The following NOL10 variants were observed in gnomAD, a reference collection of about 807,000 sequenced individuals.
NOL10 encodes nucleolar protein 10.
NOL10 carries 58 observed loss-of-function variants against 103.5 expected under a neutral mutation model. That is an observed-to-expected ratio of 0.56 (90% CI 0.45 to 0.70). The LOEUF is 0.70. Ranked by LOEUF, NOL10 falls within the 30% of genes least tolerant of loss-of-function variation. The pLI, the probability that NOL10 is intolerant of heterozygous loss-of-function variation, is 0.00. For missense variants in NOL10, 763 were observed against 807.3 expected, an observed-to-expected ratio of 0.95 and a Z score of 0.67; for synonymous variants, 287 against 282.5, an observed-to-expected ratio of 1.02 and a Z score of -0.16.
At chr2:10,595,316 G>GT (rs200480779) in intron 17 of NOL10, among the ~76,000 whole-genome samples, 5,623 of 144,752 alleles carry the variant, frequency 0.039, 206 homozygotes, top group African/African-American at 0.095. Flanking sequence ...AAATGTTTAG[G>GT]TTTTTTTTGT....
chr2:10,689,931 A>T lies in NOL10; in HGVS notation c.-70T>A. The stretch of plus-strand genomic sequence containing the variant: ...CGTGCTCGAGCACCGTAATCCCGGG[A>T]CCTCCGAGCCCCTGCTCCGCGGCGT... On this transcript the variant is annotated 5_prime_UTR_variant, in exon 1 of 21. Transcript: ENST00000381685. 1 of 1,446,672 alleles carries T rather than the reference A, an allele frequency of 6.9e-7. No individual in the cohort carries two copies. Among genetic ancestry groups the T allele is most frequent in the Non-Finnish European group, 9.5e-7 (1 of 1,052,922 alleles). 89.6% of individuals were successfully genotyped at this position (1,446,672 alleles called of 1,614,324 possible).
At chr2:10,646,879 C>A (rs1679106648) in intron 12 of NOL10, among the ~76,000 whole-genome samples, 1 of 152,142 alleles carries the variant, frequency 6.6e-6, no homozygotes, top group South Asian at 2.1e-4. Context: ...AGTATGAATA[C>A]CACATGGCAA....
At chr2:10,652,295 G>C (rs1187519243) in intron 12 of NOL10, among the ~76,000 whole-genome samples, 1 of 151,610 alleles carries the variant, frequency 6.6e-6, no homozygotes, top group Non-Finnish European at 1.5e-5. Flanking sequence ...ACCAGAAACA[G>C]GAAGGCTGGG....
intron 13 of NOL10, among the ~76,000 whole-genome samples, 179 bp downstream of exon 13, chr2:10,644,141 A>C (rs1678898006): frequency 6.6e-6 from 1 of 152,154 alleles, no homozygotes; most frequent in African/African-American, 2.4e-5. Flanking sequence ...TCCCAGCTAC[A>C]GGAGGTTGAG....
intron 1 of NOL10, among the ~76,000 whole-genome samples, chr2:10,689,236 T>C (rs1485070510): frequency 1.3e-5 from 2 of 152,154 alleles, no homozygotes. Flanking sequence ...CACGAGAAGA[T>C]TGGAAGAGAA....
At chr2:10,609,132 A>T (rs879593076) in intron 13 of NOL10, among the ~76,000 whole-genome samples, 17 of 152,058 alleles carry the variant, frequency 1.1e-4, no homozygotes, top group Non-Finnish European at 2.2e-4. Context: ...CTCCCTGAAG[A>T]AGTTTAAAAT....
intron 13 of NOL10, among the ~76,000 whole-genome samples, chr2:10,636,772 T>C (rs568114851): frequency 3.3e-5 from 5 of 152,234 alleles, no homozygotes; most frequent in Non-Finnish European, 5.9e-5. Flanking sequence ...ATAGCGATGA[T>C]TAAAAAGTAT....
At chr2:10,629,059 G>C (rs1422063216) in intron 13 of NOL10, among the ~76,000 whole-genome samples, 1 of 151,984 alleles carries the variant, frequency 6.6e-6, no homozygotes, top group African/African-American at 2.4e-5. Flanking sequence ...CTGCCTAAGA[G>C]TGCAAACATG....
chr2:10,671,630 T>G lies in NOL10; in HGVS notation c.388A>C (p.Lys130Gln). ...CTCCCAAACTTTGGTATTCTGGTTT[T>G]GTAGTAAAAACCTGATTGCGAATGA... ...EFHSQSGFYY[K>Q]TRIPKFGRDF... The change falls in exon 6 of 21, where the codon AAA becomes CAA. Residue 130 changes from lysine (K) to glutamine (Q), a missense_variant. By Grantham distance (53) the Lys-to-Gln change is moderately conservative. Transcript: ENST00000381685. 6.3e-7 allele frequency: 1 copy of G among 1,594,378 alleles called. No homozygotes were observed.
chr2:10,634,365 G>A (rs1164042360), intron 13 of NOL10, among the ~76,000 whole-genome samples: 4 of 152,202 alleles, frequency 2.6e-5, no homozygotes, highest in Admixed American at 6.5e-5. Flanking sequence ...TGGCTCCTGC[G>A]CTCTAAGCCT....
chr2:10,603,027 C>T (rs2287061), intron 15 of NOL10, 51 bp downstream of exon 15: 749,300 of 1,424,880 alleles, frequency 0.53, 201,155 homozygotes, highest in African/African-American at 0.74. Context: ...GAAATGGCCA[C>T]AGACTGCGCA....
intron 19 of NOL10, among the ~76,000 whole-genome samples, chr2:10,582,060 G>A (rs1220067457): frequency 6.6e-6 from 1 of 152,248 alleles, no homozygotes; most frequent in East Asian, 1.9e-4. Context: ...TATTCCTTGA[G>A]TAATACAAGA....
At chr2:10,572,947 T>C (rs1674258439) in intron 20 of NOL10, among the ~76,000 whole-genome samples, 1 of 152,130 alleles carries the variant, frequency 6.6e-6, no homozygotes, top group African/African-American at 2.4e-5. Flanking sequence ...TTAACTACTT[T>C]CAGCAGAAAT....
At chr2:10,609,035 A>C (rs142563765) in intron 13 of NOL10, among the ~76,000 whole-genome samples, 1 of 152,308 alleles carries the variant, frequency 6.6e-6, no homozygotes, top group East Asian at 1.9e-4. Flanking sequence ...TATGGTTTTA[A>C]GCAATTTTAG....
At chr2:10,658,778 T>C (rs926826762) in intron 10 of NOL10, among the ~76,000 whole-genome samples, 3 of 152,082 alleles carry the variant, frequency 2.0e-5, no homozygotes, top group African/African-American at 7.2e-5. Flanking sequence ...TCCAAACCAC[T>C]AACAAGAGAA....
At chr2:10,652,377 CT>C (rs1679529287) in intron 12 of NOL10, among the ~76,000 whole-genome samples, 1 of 151,252 alleles carries the variant, frequency 6.6e-6, no homozygotes, top group African/African-American at 2.4e-5. Flanking sequence ...TTTCTGACCC[CT>C]TAAGAGGTAA....
chr2:10,673,566 C>G lies in NOL10; in HGVS notation c.290-9G>C. 6.4e-7 allele frequency: 1 copy of G among 1,562,860 alleles called. No homozygotes were observed. The highest frequency in any genetic ancestry group is 8.7e-7 in the Non-Finnish European group (1 of 1,143,194). On this transcript the variant is annotated splice_polypyrimidine_tract_variant and intron_variant, in intron 4 of 20. Transcript: ENST00000381685. ...AATTTCAAAGGTGACAACTGAAAAACAAGAAATAGGAAAAATACAATTATC... is the reference window on the plus strand; with the variant it reads ...AATTTCAAAGGTGACAACTGAAAAAGAAGAAATAGGAAAAATACAATTATC...
chr2:10,680,579 C>A (rs1378742598), intron 3 of NOL10, among the ~76,000 whole-genome samples: 1 of 152,128 alleles, frequency 6.6e-6, no homozygotes, highest in Non-Finnish European at 1.5e-5. Flanking sequence ...TTCTTCTAGT[C>A]TTCAGTAAGG....
In NOL10 at chr2:10,689,930, G is replaced by T. The variant is rs1682519999; in HGVS notation, c.-69C>A. On this transcript the variant is annotated 5_prime_UTR_variant, in exon 1 of 21. Transcript: ENST00000381685. ...GCGTGCTCGAGCACCGTAATCCCGG[G>T]ACCTCCGAGCCCCTGCTCCGCGGCG... The T allele has an allele frequency of 2.7e-6, 4 of 1,457,714 alleles. No individual in the cohort carries two copies. The highest frequency in any genetic ancestry group is 1.4e-5 in the African/African-American group (1 of 71,326). The allele number at this position is 1,457,714 out of a possible 1,614,324, so 90.3% of individuals were successfully genotyped here.
Sources: gnomAD v4.1 joint callset for allele counts (sites outside exome capture counted in the v4.1 genomes callset) on GRCh38, gnomAD v4.1.1 for gene constraint, MANE v1.5 for transcripts, NCBI Gene and HGNC (gene_info 2026-07-23, HGNC 2026-07-21) for gene names.